The following TBC1D32 variants were observed in gnomAD, a reference collection of about 807,000 sequenced individuals.
TBC1D32 encodes the protein TBC1 domain family member 32, also known as protein broad-minded.
In TBC1D32, 151 loss-of-function variants were observed where a neutral mutation model predicts 170.3. The ratio of observed to expected loss-of-function variants is 0.89; its 90% confidence interval spans 0.78 to 1.01. The LOEUF (loss-of-function observed/expected upper bound fraction) is 1.01. TBC1D32 is among the 50% of genes least tolerant of loss of function. The probability of loss-of-function intolerance (pLI) is 0.00; values close to 1 mark genes in which losing one functional copy is unlikely to be tolerated. For missense variants in TBC1D32, 1,464 were observed against 1,457.1 expected, an observed-to-expected ratio of 1.00 and a Z score of -0.08; for synonymous variants, 498 against 488.0, an observed-to-expected ratio of 1.02 and a Z score of -0.27.
At chr6:121,147,871 C>A (rs1375132130) in intron 24 of TBC1D32, among the ~76,000 whole-genome samples, 1 of 150,108 alleles carries the variant, frequency 6.7e-6, no homozygotes, top group Non-Finnish European at 1.5e-5. Flanking sequence ...GGATTACAGG[C>A]GTGAGCCACC....
chr6:121,103,951 T>C (rs1778425018), intron 30 of TBC1D32, among the ~76,000 whole-genome samples: 1 of 151,764 alleles, frequency 6.6e-6, no homozygotes, highest in African/African-American at 2.4e-5. Flanking sequence ...GATTTAAAGT[T>C]CTAAAAAATG....
intron 29 of TBC1D32, among the ~76,000 whole-genome samples, chr6:121,107,473 T>C (rs1778805477): frequency 6.6e-6 from 1 of 151,956 alleles, no homozygotes; most frequent in African/African-American, 2.4e-5. Flanking sequence ...TTTTGTGCAT[T>C]AATGAATGAA....
At chr6:121,141,989 G>A (rs927666645) in intron 24 of TBC1D32, among the ~76,000 whole-genome samples, 13 of 152,300 alleles carry the variant, frequency 8.5e-5, no homozygotes, top group Admixed American at 3.9e-4. Flanking sequence ...TCCTAAAACC[G>A]ACTTTTGATC....
At chr6:121,139,514 G>A (rs1469581318) in intron 24 of TBC1D32, among the ~76,000 whole-genome samples, 1 of 152,032 alleles carries the variant, frequency 6.6e-6, no homozygotes, top group African/African-American at 2.4e-5. Flanking sequence ...GAAAGTATCA[G>A]CAAGAATCAA....
chr6:121,214,992 A>G lies in TBC1D32; in HGVS notation c.2481+8244T>C, dbSNP rs553675319. On this transcript the variant is annotated intron_variant, in intron 21 of 31. Coordinates refer to ENST00000398212, the MANE Select transcript of TBC1D32 (RefSeq NM_152730.6). Reference sequence around the variant, plus strand: ...CTGCTCAGCACTCAGCTGAGAGAAGACCCACAATGTATATCTCCTCTCCAC... The same window carrying G: ...CTGCTCAGCACTCAGCTGAGAGAAGGCCCACAATGTATATCTCCTCTCCAC... Among the ~76,000 whole-genome samples the G allele has an allele frequency of 2.6e-5, 4 of 152,260 alleles. No homozygotes were observed. In the South Asian group the frequency reaches 8.3e-4, roughly 32 times the overall value.
chr6:121,295,337 T>C (rs1046730718), intron 10 of TBC1D32, among the ~76,000 whole-genome samples: 1 of 148,678 alleles, frequency 6.7e-6, no homozygotes, highest in Non-Finnish European at 1.5e-5. Context: ...GTGATAATTA[T>C]TAAATCTGGT....
chr6:121,317,330 A>G (rs1407204593), intron 3 of TBC1D32, among the ~76,000 whole-genome samples, 165 bp downstream of exon 3: 1 of 152,144 alleles, frequency 6.6e-6, no homozygotes, highest in Non-Finnish European at 1.5e-5. Flanking sequence ...TAATTCTATA[A>G]GATGTTATTT....
At chr6:121,289,569 C>T (rs1417118522) in intron 12 of TBC1D32, among the ~76,000 whole-genome samples, 2 of 152,214 alleles carry the variant, frequency 1.3e-5, no homozygotes, top group Admixed American at 6.5e-5. Context: ...AATGGCCATA[C>T]TGCCCAAGGC....
intron 21 of TBC1D32, among the ~76,000 whole-genome samples, chr6:121,216,961 A>G (rs1260515185): frequency 6.6e-6 from 1 of 152,224 alleles, no homozygotes; most frequent in Non-Finnish European, 1.5e-5. Context: ...CTAGAAAAAC[A>G]CTAAATCAAA....
intron 22 of TBC1D32, among the ~76,000 whole-genome samples, chr6:121,176,816 C>G (rs943402971): frequency 1.3e-5 from 2 of 152,132 alleles, no homozygotes; most frequent in Admixed American, 1.3e-4. Context: ...CCAGGCTGAT[C>G]TCAAACTCCT....
intron 21 of TBC1D32, among the ~76,000 whole-genome samples, chr6:121,212,727 C>T (rs1793250279): frequency 6.6e-6 from 1 of 152,056 alleles, no homozygotes; most frequent in Admixed American, 6.6e-5. Flanking sequence ...CCCCAAAATA[C>T]TGGGATTACA....
chr6:121,312,031 A>G (rs1808288143), intron 3 of TBC1D32, among the ~76,000 whole-genome samples: 1 of 152,224 alleles, frequency 6.6e-6, no homozygotes, highest in African/African-American at 2.4e-5. Context: ...GCCATAAAAA[A>G]GGATGAGTTA....
chr6:121,268,618 A>C (rs1197762238), intron 15 of TBC1D32, among the ~76,000 whole-genome samples: 1 of 152,190 alleles, frequency 6.6e-6, no homozygotes, highest in Non-Finnish European at 1.5e-5. Context: ...ACGTGAAAAG[A>C]CCAAATCTAC....
chr6:121,226,409 C>T (rs1583295238), intron 20 of TBC1D32, among the ~76,000 whole-genome samples: 2 of 152,160 alleles, frequency 1.3e-5, no homozygotes, highest in South Asian at 4.1e-4. Context: ...AGATGTGCTA[C>T]ATTAATGAGC....
At chr6:121,162,834 G>C (rs1364153304) in intron 22 of TBC1D32, 1 of 74,698 alleles carries the variant, frequency 1.3e-5, no homozygotes, top group African/African-American at 3.4e-5. Flanking sequence ...ACTAGGGAGT[G>C]CCAGACAGTG....
chr6:121,304,292 T>C (rs528886391), intron 8 of TBC1D32, 73 bp downstream of exon 8: 8 of 1,398,774 alleles, frequency 5.7e-6, no homozygotes, highest in African/African-American at 4.3e-5. Context: ...GTCTTTACTC[T>C]TTCTGTCTGA....
chr6:121,308,759 A>G (rs551877961), intron 4 of TBC1D32, among the ~76,000 whole-genome samples: 1,379 of 135,236 alleles, frequency 0.01, 10 homozygotes, highest in Middle Eastern at 0.065. Context: ...GCAGTGGCGC[A>G]ATCTCGGCTC....
At chr6:121,112,052 G>A (rs1021716588) in intron 29 of TBC1D32, among the ~76,000 whole-genome samples, 2 of 151,966 alleles carry the variant, frequency 1.3e-5, no homozygotes, top group Non-Finnish European at 2.9e-5. Context: ...AATACATTAC[G>A]ATACTTTAAT....
intron 24 of TBC1D32, among the ~76,000 whole-genome samples, chr6:121,134,142 C>T (rs1781752979): frequency 6.6e-6 from 1 of 152,070 alleles, no homozygotes; most frequent in Admixed American, 6.6e-5. Flanking sequence ...ATAAGAAACA[C>T]TAGTGACACA....
Sources: allele counts gnomAD v4.1 joint callset (sites outside exome capture counted in the v4.1 genomes callset), GRCh38; gene constraint gnomAD v4.1.1; transcripts MANE v1.5; gene names NCBI Gene and HGNC (gene_info 2026-07-23, HGNC 2026-07-21).